Variants in HS3ST5 observed in about 807,000 individuals in gnomAD.
HS3ST5 encodes the protein heparan sulfate glucosamine 3-O-sulfotransferase 5.
Under a neutral mutation model 25.4 loss-of-function variants are expected in HS3ST5, and 10 were observed. That is an observed-to-expected ratio of 0.39 (90% CI 0.24 to 0.67). The LOEUF is 0.67. HS3ST5 is among the 30% of genes least tolerant of loss of function. The pLI is 0.44. For missense variants in HS3ST5, 324 were observed against 420.7 expected, an observed-to-expected ratio of 0.77 and a Z score of 2.01; for synonymous variants, 170 against 162.4, an observed-to-expected ratio of 1.05 and a Z score of -0.36.
At chr6:114,313,307 G>A (rs785132) in intron 1 of HS3ST5, among the ~76,000 whole-genome samples, 58,957 of 151,884 alleles carry the variant, frequency 0.39, 11,697 homozygotes, top group South Asian at 0.42. Context: ...GAGATATACC[G>A]TACATGCAAC....
At chr6:114,327,526 A>C (rs956655168) in intron 1 of HS3ST5, among the ~76,000 whole-genome samples, 1 of 152,250 alleles carries the variant, frequency 6.6e-6, no homozygotes. Context: ...GGCAAATTAC[A>C]AGATGGCAGT....
chr6:114,253,351 T>C (rs1383727435), intron 1 of HS3ST5, among the ~76,000 whole-genome samples: 1 of 152,234 alleles, frequency 6.6e-6, no homozygotes, highest in Non-Finnish European at 1.5e-5. Flanking sequence ...TTCAGGTGTT[T>C]AGTAGACACA....
intron 2 of HS3ST5, among the ~76,000 whole-genome samples, chr6:114,191,328 T>C (rs1187026823): frequency 6.6e-6 from 1 of 152,220 alleles, no homozygotes; most frequent in Non-Finnish European, 1.5e-5. Flanking sequence ...AATTCTGCCT[T>C]ATTGGCTATT....
At chr6:114,147,478 A>C (rs1330471217) in intron 3 of HS3ST5, among the ~76,000 whole-genome samples, 1 of 152,220 alleles carries the variant, frequency 6.6e-6, no homozygotes, top group East Asian at 1.9e-4. Context: ...TGATTGAAAC[A>C]CAGAAGAATA....
chr6:114,240,444 T>C (rs1247613538), intron 1 of HS3ST5, among the ~76,000 whole-genome samples: 3 of 152,072 alleles, frequency 2.0e-5, no homozygotes, highest in Non-Finnish European at 4.4e-5. Context: ...ATGTCAGATG[T>C]AGTATGTGAA....
At chr6:114,113,517 C>T (rs1050414824) in intron 3 of HS3ST5, among the ~76,000 whole-genome samples, 1 of 151,838 alleles carries the variant, frequency 6.6e-6, no homozygotes, top group Non-Finnish European at 1.5e-5. Context: ...TCTTCCTCTC[C>T]TTCAATGGAT....
At chr6:114,228,536 A>G (rs1290609433) in intron 2 of HS3ST5, 49 bp downstream of exon 2, 1 of 152,052 alleles carries the variant, frequency 6.6e-6, no homozygotes, top group Non-Finnish European at 1.5e-5. Flanking sequence ...TTTTGATGCC[A>G]TTAAGAGTTA....
chr6:114,266,333 G>T (rs781132823), intron 1 of HS3ST5, among the ~76,000 whole-genome samples: 15 of 152,116 alleles, frequency 9.9e-5, no homozygotes, highest in South Asian at 2.1e-4. Context: ...CTTGAATTCA[G>T]AGATAAGGTT....
intron 1 of HS3ST5, among the ~76,000 whole-genome samples, chr6:114,243,774 A>T (rs565370292): frequency 6.6e-6 from 1 of 152,276 alleles, no homozygotes; most frequent in East Asian, 1.9e-4. Flanking sequence ...GTATTTGACC[A>T]TGTGACTTGT....
At chr6:114,242,410 A>G (rs185383535) in intron 1 of HS3ST5, among the ~76,000 whole-genome samples, 57 of 152,346 alleles carry the variant, frequency 3.7e-4, no homozygotes, top group Non-Finnish European at 6.9e-4. Context: ...TGTTAAATGA[A>G]TAATGAGTAA....
At chr6:114,215,761 T>C (rs1028717475) in intron 2 of HS3ST5, among the ~76,000 whole-genome samples, 7 of 152,160 alleles carry the variant, frequency 4.6e-5, no homozygotes, top group Non-Finnish European at 8.8e-5. Flanking sequence ...ACATTGTTAT[T>C]AATCTCAAAT....
At chr6:114,210,459 T>C (rs1055344731) in intron 2 of HS3ST5, among the ~76,000 whole-genome samples, 4 of 152,192 alleles carry the variant, frequency 2.6e-5, no homozygotes, top group African/African-American at 9.6e-5. Flanking sequence ...GCAGCGGCAA[T>C]GTGAACATCA....
rs1389104688 is a variant in HS3ST5, at chr6:114,226,241, T to C, written c.-145+2344A>G. On this transcript the variant is annotated intron_variant, in intron 2 of 4. Transcript: ENST00000312719. ...AAGAATCTTTCCAAGGAATTAATTG[T>C]CATAATTTGAAATTATCAGTGTTTA... Among the ~76,000 whole-genome samples the C allele has an allele frequency of 3.3e-5, 5 of 151,990 alleles. No homozygotes were observed. The East Asian group carries it at 9.6e-4, about 29-fold the overall frequency.
chr6:114,114,287 T>C (rs1776409810), intron 3 of HS3ST5, among the ~76,000 whole-genome samples: 1 of 152,136 alleles, frequency 6.6e-6, no homozygotes, highest in African/African-American at 2.4e-5. Context: ...CTTTCCTCCA[T>C]GCCTAGCAAT....
At chr6:114,214,512 C>G (rs969893429) in intron 2 of HS3ST5, among the ~76,000 whole-genome samples, 5 of 152,116 alleles carry the variant, frequency 3.3e-5, no homozygotes, top group East Asian at 1.9e-4. Context: ...GTAAGTTTCC[C>G]GTAAGATTTG....
chr6:114,162,227 G>A (rs888586800), intron 3 of HS3ST5, among the ~76,000 whole-genome samples: 1 of 152,098 alleles, frequency 6.6e-6, no homozygotes, highest in Non-Finnish European at 1.5e-5. Context: ...GGATCCAGTG[G>A]CATCTCAGGC....
intron 3 of HS3ST5, among the ~76,000 whole-genome samples, chr6:114,140,935 A>G (rs1474802335): frequency 2.6e-5 from 4 of 152,154 alleles, no homozygotes; most frequent in Non-Finnish European, 5.9e-5. Flanking sequence ...AAATATACCC[A>G]CAAGGTTGTT....
rs1299994423 is a variant in HS3ST5 at position 114,057,497 on chromosome 6, C to A, written c.801G>T (p.Gln267His). Residue 267 changes from glutamine to histidine, a missense_variant, in exon 5 of 5, where the codon CAG becomes CAT. By Grantham distance (24) the Gln-to-His change is conservative. This residue lies in a region of HS3ST5 where 203 missense variants were observed against 303.4 expected (regional missense o/e 0.67). Coordinates refer to ENST00000312719, the MANE Select transcript of HS3ST5 (RefSeq NM_153612.4). The stretch of plus-strand genomic sequence containing the variant: ...GCAGATTTAGGAACTTCTCCACGAG[C>A]TGAAGTTCTGGCAGAGGTTCCGTGA... ...RLITEPLPEL[Q>H]LVEKFLNLPP... 6.2e-7 allele frequency: 1 copy of A among 1,614,114 alleles called. No homozygotes were observed.
At chr6:114,225,995 A>G (rs1379687829) in intron 2 of HS3ST5, among the ~76,000 whole-genome samples, 2 of 151,978 alleles carry the variant, frequency 1.3e-5, no homozygotes, top group South Asian at 2.1e-4. Flanking sequence ...AAATATTGTC[A>G]TTAAACTAAA....
Sources: allele counts gnomAD v4.1 joint callset (sites outside exome capture counted in the v4.1 genomes callset), GRCh38; gene constraint gnomAD v4.1.1; regional missense constraint gnomAD v4.1.1; transcripts MANE v1.5; gene names NCBI Gene and HGNC (gene_info 2026-07-23, HGNC 2026-07-21).